EFCAB13: variants seen among roughly 807,000 people sequenced by gnomAD.
EFCAB13 encodes EF-hand calcium binding domain 13, also known as EF-hand calcium-binding domain-containing protein 13.
EFCAB13 carries 91 observed loss-of-function variants against 110.2 expected under a neutral mutation model. The observed-to-expected ratio is 0.83, with a 90% CI of 0.70 to 0.98. The LOEUF is 0.98. EFCAB13 is among the 50% of genes least tolerant of loss of function. The probability of loss-of-function intolerance (pLI) is 0.00; values close to 1 mark genes in which losing one functional copy is unlikely to be tolerated. For synonymous variants in EFCAB13, 323 were observed against 369.9 expected, an observed-to-expected ratio of 0.87 and a Z score of 1.45; for missense variants, 968 against 1,119.4, an observed-to-expected ratio of 0.86 and a Z score of 1.93.
rs200583201 is a variant in EFCAB13, at chr17:47,374,871, C to G, written c.1277C>G (p.Ser426Cys). The change falls in exon 12 of 25, where the codon TCT becomes TGT. Residue 426 changes from serine to cysteine, a missense_variant. Transcript: ENST00000331493. ...AAGTCTCTGGATAAAAGTGATATTT[C>G]TAGTATCCCAAAACTTCAGAAGCCA... Reference protein sequence around the residue: ...LSKSLDKSDISSIPKLQKPAV... With the variant: ...LSKSLDKSDICSIPKLQKPAV... 6.2e-6 allele frequency: 10 copies of G among 1,612,932 alleles called. No homozygotes were observed. The Admixed American group carries it at 1.5e-4, about 24-fold the overall frequency.
Position 47,431,702 on chromosome 17 carries a change from A to T in EFCAB13, c.2638+1741A>T, listed in dbSNP as rs1280121214. Reference sequence around the variant, plus strand: ...TTATTGACTATGATAATTTTAGTAAATATTTTATGTGATTGAGAAGAATAT... The same window carrying T: ...TTATTGACTATGATAATTTTAGTAATTATTTTATGTGATTGAGAAGAATAT... On this transcript the variant is annotated intron_variant, in intron 24 of 24. Coordinates refer to ENST00000331493, the MANE Select transcript of EFCAB13 (RefSeq NM_152347.5). The surrounding 1 kb of genome is among the most constrained non-coding windows in gnomAD (Gnocchi z 4.1). Among the ~76,000 whole-genome samples the T allele has an allele frequency of 1.3e-5, 2 of 152,142 alleles. No individual in the cohort carries two copies. The highest frequency in any genetic ancestry group is 2.9e-5 in the Non-Finnish European group (2 of 68,018).
In EFCAB13 at chr17:47,377,761, T is replaced by C. The variant is rs762645555; in HGVS notation, c.1373-5T>C. The C allele has an allele frequency of 6.4e-7, 1 of 1,563,366 alleles. No individual in the cohort carries two copies. On this transcript the variant is annotated splice_polypyrimidine_tract_variant and splice_region_variant and intron_variant, in intron 12 of 24. Coordinates refer to ENST00000331493, the MANE Select transcript of EFCAB13 (RefSeq NM_152347.5). ...CTAATAGTTCTCTACATTTTGTGTA[T>C]TTAGAAAACTTCTGTGAAGCTATCA...
intron 9 of EFCAB13, among the ~76,000 whole-genome samples, chr17:47,357,490 C>T (rs2065487627): frequency 1.3e-5 from 2 of 152,218 alleles, no homozygotes; most frequent in African/African-American, 4.8e-5. Flanking sequence ...ATCTCGCTCA[C>T]TGCAACCTCT....
chr17:47,421,294 G>A (rs990734647), intron 23 of EFCAB13, among the ~76,000 whole-genome samples: 4 of 152,146 alleles, frequency 2.6e-5, no homozygotes, highest in African/African-American at 9.7e-5. Context: ...ATTTTGCTCT[G>A]TACTAAGAAA....
chr17:47,353,895 G>A (rs2065466661), intron 9 of EFCAB13, among the ~76,000 whole-genome samples: 1 of 151,670 alleles, frequency 6.6e-6, no homozygotes, highest in African/African-American at 2.4e-5. Context: ...CTCTGATCTT[G>A]GTTATTTCTT....
chr17:47,355,570 ATTT>A (rs71365066), intron 9 of EFCAB13, among the ~76,000 whole-genome samples: 2 of 120,338 alleles, frequency 1.7e-5, no homozygotes, highest in Non-Finnish European at 1.7e-5. Flanking sequence ...GGCTTTGTTC[ATTT>A]TTTTTTTTTT....
chr17:47,366,021 T>C (rs2065543460), intron 10 of EFCAB13, among the ~76,000 whole-genome samples: 1 of 152,126 alleles, frequency 6.6e-6, no homozygotes, highest in African/African-American at 2.4e-5. Flanking sequence ...AATTTTGCAG[T>C]AAGGAATAAT....
At chr17:47,342,187 TTTC>T (rs2065389537) in intron 6 of EFCAB13, among the ~76,000 whole-genome samples, 155 bp downstream of exon 6, 1 of 152,132 alleles carries the variant, frequency 6.6e-6, no homozygotes, top group South Asian at 2.1e-4. Flanking sequence ...AATTCTCCTT[TTTC>T]TTCTCCTTAA....
intron 9 of EFCAB13, among the ~76,000 whole-genome samples, chr17:47,354,787 G>T (rs1344330864): frequency 2.0e-5 from 3 of 152,164 alleles, no homozygotes. Context: ...GTCTCTTGAA[G>T]ACAGCAGATA....
At chr17:47,421,862 A>T (rs576524166) in intron 23 of EFCAB13, among the ~76,000 whole-genome samples, 1 of 152,232 alleles carries the variant, frequency 6.6e-6, no homozygotes, top group Non-Finnish European at 1.5e-5. Context: ...AGACGGCTTC[A>T]TTGGTAAGTT....
intron 12 of EFCAB13, among the ~76,000 whole-genome samples, chr17:47,376,056 C>T (rs749019534): frequency 2.6e-5 from 4 of 152,064 alleles, no homozygotes; most frequent in Non-Finnish European, 5.9e-5. Flanking sequence ...TCCTGTAGTC[C>T]TCTGCTGAAG....
chr17:47,418,954 TG>T (rs1478183739), intron 23 of EFCAB13, among the ~76,000 whole-genome samples: 1 of 152,234 alleles, frequency 6.6e-6, no homozygotes, highest in Admixed American at 6.5e-5. Flanking sequence ...GCTATAGCTT[TG>T]TTTAAAGTAA....
chr17:47,355,849 G>A (rs1705135130), intron 9 of EFCAB13, among the ~76,000 whole-genome samples: 1 of 151,942 alleles, frequency 6.6e-6, no homozygotes, highest in African/African-American at 2.4e-5. Context: ...GGGATTACTG[G>A]CATGAGCCAC....
intron 3 of EFCAB13, 101 bp downstream of exon 3, chr17:47,326,488 A>ATT (rs1244545466): frequency 6.6e-6 from 1 of 151,936 alleles, no homozygotes; most frequent in East Asian, 1.9e-4. Flanking sequence ...TCTTTCCTTC[A>ATT]TTATATATAT....
At chr17:47,371,062 G>GTTTTTTTTTTTTTT (rs779767798) in intron 11 of EFCAB13, among the ~76,000 whole-genome samples, 2 of 108,992 alleles carry the variant, frequency 1.8e-5, no homozygotes, top group South Asian at 3.1e-4. Context: ...TTTAATGGTT[G>GTTTTTTTTTTTTTT]TTTTTTTTTT....
At chr17:47,352,389 ATCAGGTGGCTAT>A (rs1313232668) in intron 9 of EFCAB13, among the ~76,000 whole-genome samples, 10 of 152,072 alleles carry the variant, frequency 6.6e-5, no homozygotes, top group African/African-American at 2.2e-4. Flanking sequence ...TTTGTCAAAG[ATCAGGTGGCTAT>A]AGATATGAAG....
Position 47,347,889 on chromosome 17 carries a change from T to G in EFCAB13, c.599T>G (p.Ile200Ser). The G allele has an allele frequency of 6.5e-7, 1 of 1,550,040 alleles. No individual in the cohort carries two copies. The highest frequency in any genetic ancestry group is 8.8e-7 in the Non-Finnish European group (1 of 1,138,854). ...YVNDLPVILC[I>S]LRISISDLEM... The stretch of plus-strand genomic sequence containing the variant: ...AATGATCTTCCAGTGATCCTTTGCA[T>G]CTTGAGAATTTCTATAAGTGATTTA... The change falls in exon 9 of 25, where the codon ATC becomes AGC. Residue 200 changes from isoleucine to serine, a missense_variant. Physicochemically the swap from Ile to Ser is moderately radical, Grantham distance 142. Transcript: ENST00000331493.
intron 21 of EFCAB13, among the ~76,000 whole-genome samples, chr17:47,410,252 G>T (rs1387449851): frequency 6.6e-6 from 1 of 152,166 alleles, no homozygotes; most frequent in African/African-American, 2.4e-5. Flanking sequence ...AAGTTTGAGA[G>T]AGCAAGAGAG....
intron 10 of EFCAB13, among the ~76,000 whole-genome samples, chr17:47,367,445 C>A (rs999338245): frequency 1.3e-5 from 2 of 152,324 alleles, no homozygotes; most frequent in Admixed American, 1.3e-4. Flanking sequence ...TTGCCCCACC[C>A]CGCCGCCATG....
Sources: gnomAD v4.1 joint callset for allele counts (sites outside exome capture counted in the v4.1 genomes callset) on GRCh38, gnomAD v4.1.1 for gene constraint, Gnocchi (gnomAD v3.1) non-coding constraint, MANE v1.5 for transcripts, NCBI Gene and HGNC (gene_info 2026-07-23, HGNC 2026-07-21) for gene names.